The following HERPUD2 variants were observed in gnomAD, a reference collection of about 807,000 sequenced individuals.
HERPUD2 encodes the protein HERPUD family member 2.
In HERPUD2, 13 loss-of-function variants were observed where a neutral mutation model predicts 49.9. That is an observed-to-expected ratio of 0.26 (90% CI 0.17 to 0.41). HERPUD2 has a LOEUF of 0.41. Ranked by LOEUF, HERPUD2 falls within the 10% of genes least tolerant of loss-of-function variation. HERPUD2 has a pLI of 1.00. For missense variants in HERPUD2, 449 were observed against 492.2 expected (o/e 0.91, Z 0.83); for synonymous variants, 172 against 171.4 (o/e 1.00, Z -0.03).
chr7:35,682,693 T>C (rs1785941742), intron 2 of HERPUD2, among the ~76,000 whole-genome samples: 1 of 151,820 alleles, frequency 6.6e-6, no homozygotes, highest in African/African-American at 2.4e-5. Flanking sequence ...AGAAAGTTCC[T>C]AGAACTAATA....
chr7:35,674,281 AT>A (rs1302102082), intron 2 of HERPUD2, among the ~76,000 whole-genome samples: 3 of 150,626 alleles, frequency 2.0e-5, no homozygotes, highest in Non-Finnish European at 1.5e-5. Flanking sequence ...TCCTGGAAGC[AT>A]TTTGGAGTGT....
chr7:35,656,985 C>G (rs578233561), intron 5 of HERPUD2, among the ~76,000 whole-genome samples: 2 of 152,232 alleles, frequency 1.3e-5, no homozygotes, highest in South Asian at 4.1e-4. Flanking sequence ...ATCTAGAACA[C>G]AGACAACAAA....
chr7:35,674,860 T>A (rs546213656), intron 2 of HERPUD2, among the ~76,000 whole-genome samples: 1 of 152,212 alleles, frequency 6.6e-6, no homozygotes, highest in Non-Finnish European at 1.5e-5. Context: ...ATGGAAGCTC[T>A]GAGCCCTTTC....
intron 2 of HERPUD2, among the ~76,000 whole-genome samples, chr7:35,688,725 T>C (rs1786117294): frequency 6.6e-6 from 1 of 152,216 alleles, no homozygotes; most frequent in Non-Finnish European, 1.5e-5. Flanking sequence ...CAACTGGTTC[T>C]TTTTAGTTTA....
intron 2 of HERPUD2, among the ~76,000 whole-genome samples, chr7:35,690,723 T>C (rs1445839744): frequency 1.3e-5 from 2 of 151,986 alleles, no homozygotes; most frequent in Non-Finnish European, 2.9e-5. Context: ...GCAGGAGAAT[T>C]GCTTGAAGGC....
intron 6 of HERPUD2, 107 bp from the exon 7 acceptor site, chr7:35,635,565 G>A: frequency 1.1e-6 from 1 of 888,202 alleles, no homozygotes; most frequent in Non-Finnish European, 1.7e-6. Context: ...AACCTAATAT[G>A]GAATATCCCA....
chr7:35,641,183 T>C (rs1021593830), intron 5 of HERPUD2, among the ~76,000 whole-genome samples: 1 of 152,216 alleles, frequency 6.6e-6, no homozygotes, highest in Non-Finnish European at 1.5e-5. Context: ...TTTAAGTTTG[T>C]TTGCCAAGGT....
intron 5 of HERPUD2, among the ~76,000 whole-genome samples, chr7:35,663,876 G>A (rs909620459): frequency 1.3e-5 from 2 of 152,124 alleles, no homozygotes; most frequent in African/African-American, 4.8e-5. Flanking sequence ...TTTAATTGGA[G>A]CATTTAGCCC....
intron 5 of HERPUD2, among the ~76,000 whole-genome samples, chr7:35,665,072 C>T (rs1007810526): frequency 5.3e-5 from 8 of 152,168 alleles, no homozygotes; most frequent in African/African-American, 1.7e-4. Context: ...GTCAGGGACC[C>T]ACTTGAGGAG....
chr7:35,633,654 G>T lies in HERPUD2; in HGVS notation c.*36C>A, dbSNP rs1374100954. On this transcript the variant is annotated 3_prime_UTR_variant, in exon 9 of 9. Transcript: ENST00000311350. ...CTGTTATTTAAACCACTTTCCTGAA[G>T]TCAGACCCTCCTTGTAGCTGGCACA... The T allele has an allele frequency of 6.3e-7, 1 of 1,594,982 alleles. No individual in the cohort carries two copies. Among genetic ancestry groups the T allele is most frequent in the East Asian group, 2.2e-5 (1 of 44,722 alleles).
chr7:35,675,291 T>C (rs1224166698), intron 2 of HERPUD2, among the ~76,000 whole-genome samples: 1 of 152,220 alleles, frequency 6.6e-6, no homozygotes, highest in Non-Finnish European at 1.5e-5. Context: ...GAGAGCATAG[T>C]AGGAGAAACT....
chr7:35,651,120 C>G (rs1180217231), intron 5 of HERPUD2, among the ~76,000 whole-genome samples: 2 of 152,212 alleles, frequency 1.3e-5, no homozygotes, highest in Admixed American at 1.3e-4. Flanking sequence ...TCACCAACAC[C>G]ACCACAGACT....
At chr7:35,660,925 TTGG>T (rs1162830337) in intron 5 of HERPUD2, among the ~76,000 whole-genome samples, 4 of 152,234 alleles carry the variant, frequency 2.6e-5, no homozygotes, top group South Asian at 2.1e-4. Context: ...GCCATTGCTT[TTGG>T]TGTTTTAGAC....
At chr7:35,669,531 A>G (rs1236677907) in intron 4 of HERPUD2, among the ~76,000 whole-genome samples, 5 of 152,190 alleles carry the variant, frequency 3.3e-5, no homozygotes, top group African/African-American at 9.6e-5. Flanking sequence ...TGTCATAGAA[A>G]GCTTTTATGG....
intron 5 of HERPUD2, among the ~76,000 whole-genome samples, chr7:35,647,983 T>C (rs1322736694): frequency 6.6e-6 from 1 of 152,148 alleles, no homozygotes; most frequent in Non-Finnish European, 1.5e-5. Flanking sequence ...CACCAACAAA[T>C]AAGCAACTCA....
chr7:35,674,448 GA>G (rs1562682888), intron 2 of HERPUD2, among the ~76,000 whole-genome samples: 8 of 126,180 alleles, frequency 6.3e-5, no homozygotes, highest in African/African-American at 8.8e-5. Context: ...GAGAGAGAGA[GA>G]GAGAGAGAGA....
intron 5 of HERPUD2, among the ~76,000 whole-genome samples, chr7:35,653,289 G>C (rs929539925): frequency 5.3e-5 from 8 of 152,052 alleles, no homozygotes; most frequent in Non-Finnish European, 1.0e-4. Flanking sequence ...CCTTATAACA[G>C]ATAAAACAGA....
At chr7:35,679,435 T>C (rs1785832117) in intron 2 of HERPUD2, among the ~76,000 whole-genome samples, 1 of 152,136 alleles carries the variant, frequency 6.6e-6, no homozygotes, top group Admixed American at 6.6e-5. Context: ...AGTTAGGCAA[T>C]AGCTAAGCAA....
intron 5 of HERPUD2, among the ~76,000 whole-genome samples, chr7:35,649,738 G>A (rs1415543219): frequency 3.3e-5 from 5 of 152,190 alleles, no homozygotes; most frequent in Non-Finnish European, 5.9e-5. Context: ...ATAAGGGGTT[G>A]TAGAGACCAA....
Sources: gnomAD v4.1 joint callset for allele counts (sites outside exome capture counted in the v4.1 genomes callset) on GRCh38, gnomAD v4.1.1 for gene constraint, MANE v1.5 for transcripts, NCBI Gene and HGNC (gene_info 2026-07-23, HGNC 2026-07-21) for gene names.